EML6: variants seen among roughly 807,000 people sequenced by gnomAD.
EML6 encodes the protein EMAP like 6.
EML6 carries 154 observed loss-of-function variants against 240.1 expected under a neutral mutation model. The ratio of observed to expected loss-of-function variants is 0.64; its 90% confidence interval spans 0.56 to 0.73. EML6 has a LOEUF of 0.73. Ranked by LOEUF, EML6 falls within the 30% of genes least tolerant of loss-of-function variation. EML6 has a pLI of 0.00. For missense variants in EML6, 2,964 were observed against 2,474.6 expected, an observed-to-expected ratio of 1.20 and a Z score of -4.20; for synonymous variants, 1,148 against 899.0, an observed-to-expected ratio of 1.28 and a Z score of -4.95.
chr2:54,895,283 G>C lies in EML6; in HGVS notation c.2865G>C (p.Leu955Phe). The C allele has an allele frequency of 6.4e-7, 1 of 1,551,582 alleles. No individual in the cohort carries two copies. Residue 955 changes from leucine to phenylalanine, a missense_variant, in exon 21 of 42, where the codon TTG becomes TTC. Coordinates refer to ENST00000356458, the MANE Select transcript of EML6 (RefSeq NM_001039753.4). ...CATCCCCTTCCCCAGGCTTGCTTTTGGAAGATAACCCTTCAATTCGTGCCA... is the reference window on the plus strand; with the variant it reads ...CATCCCCTTCCCCAGGCTTGCTTTTCGAAGATAACCCTTCAATTCGTGCCA... The part of the protein sequence containing the change: ...ALSTSSKGLL[L>F]EDNPSIRAIT...
At chr2:54,893,018 G>A (rs1672559072) in intron 19 of EML6, among the ~76,000 whole-genome samples, 1 of 152,118 alleles carries the variant, frequency 6.6e-6, no homozygotes, top group African/African-American at 2.4e-5. Flanking sequence ...GCAGAGACCT[G>A]AAAGTACCAA....
chr2:54,868,707 G>C (rs1671098000), intron 14 of EML6: 1 of 152,730 alleles, frequency 6.5e-6, no homozygotes, highest in South Asian at 2.1e-4. Context: ...CCAGTCATTA[G>C]AGTTGTTTTC....
At chr2:54,830,277 T>C (rs1419571235) in intron 7 of EML6, among the ~76,000 whole-genome samples, 1 of 152,160 alleles carries the variant, frequency 6.6e-6, no homozygotes, top group Admixed American at 6.5e-5. Flanking sequence ...GCACTGTTAA[T>C]ACGCTAAGCA....
chr2:54,868,373 G>T (rs1256400520), intron 14 of EML6: 1 of 152,138 alleles, frequency 6.6e-6, no homozygotes, highest in African/African-American at 2.4e-5. Context: ...ATGATGGATT[G>T]GTTTTCAGTT....
intron 21 of EML6, among the ~76,000 whole-genome samples, chr2:54,895,752 G>T (rs1015383098): frequency 1.5e-4 from 23 of 152,174 alleles, no homozygotes; most frequent in Non-Finnish European, 2.9e-5. Flanking sequence ...GAATTAAGTT[G>T]CTTGTAAGTG....
At chr2:54,823,621 A>G (rs960218255) in intron 5 of EML6, among the ~76,000 whole-genome samples, 4 of 152,286 alleles carry the variant, frequency 2.6e-5, no homozygotes, top group Middle Eastern at 3.4e-3. Flanking sequence ...ATGAGTAAAA[A>G]AAACATGTGA....
At chr2:54,907,618 C>T (rs1476920152) in intron 24 of EML6, among the ~76,000 whole-genome samples, 3 of 152,154 alleles carry the variant, frequency 2.0e-5, no homozygotes, top group Non-Finnish European at 2.9e-5. Flanking sequence ...TAGAATTATT[C>T]TAACTTGTAA....
chr2:54,744,962 A>ACCCC (rs200439786), intron 2 of EML6, among the ~76,000 whole-genome samples: 1 of 85,966 alleles, frequency 1.2e-5, no homozygotes, highest in African/African-American at 3.8e-5. Context: ...ACACACACAC[A>ACCCC]CCCTGCCATG....
At chr2:54,938,068 AGGTGCTGTGGC>A (rs1675241616) in intron 28 of EML6, among the ~76,000 whole-genome samples, 1 of 152,238 alleles carries the variant, frequency 6.6e-6, no homozygotes, top group African/African-American at 2.4e-5. Context: ...AGGTGGGGCC[AGGTGCTGTGGC>A]TCACGCCTGT....
intron 2 of EML6, among the ~76,000 whole-genome samples, chr2:54,761,191 C>T (rs1359897400): frequency 6.6e-6 from 1 of 152,010 alleles, no homozygotes; most frequent in East Asian, 1.9e-4. Context: ...TTTAAACAGA[C>T]TACCAAAGTC....
Position 54,950,644 on chromosome 2 carries a change from A to C in EML6, c.4084-6A>C. ...GGGTCACATTGATCTGTGTGTGTGA[A>C]TGCAGGAGCTGGCTCTAGACCACGT... is the stretch of plus-strand genomic sequence containing the variant. On this transcript the variant is annotated splice_polypyrimidine_tract_variant and splice_region_variant and intron_variant, in intron 29 of 41. Transcript: ENST00000356458. 2 of 1,551,564 alleles carry C rather than the reference A, an allele frequency of 1.3e-6. No individual in the cohort carries two copies. The highest frequency in any genetic ancestry group is 1.7e-6 in the Non-Finnish European group (2 of 1,146,938).
At chr2:54,742,765 C>T (rs1189857284) in intron 2 of EML6, among the ~76,000 whole-genome samples, 2 of 152,138 alleles carry the variant, frequency 1.3e-5, no homozygotes, top group African/African-American at 4.8e-5. Flanking sequence ...TTCAGTAAAG[C>T]ATATAAGGAG....
intron 2 of EML6, among the ~76,000 whole-genome samples, chr2:54,786,859 A>T (rs58350716): frequency 0.068 from 10,392 of 152,208 alleles, 533 homozygotes; most frequent in East Asian, 0.3. Flanking sequence ...GACAAGTGAA[A>T]CTTGTTAAAC....
chr2:54,953,306 G>A (rs770108540), intron 31 of EML6, among the ~76,000 whole-genome samples: 4 of 152,120 alleles, frequency 2.6e-5, no homozygotes, highest in South Asian at 2.1e-4. Flanking sequence ...GTGATATTAC[G>A]GAAACCCCAG....
At chr2:54,841,127 G>A (rs1251555823) in intron 7 of EML6, among the ~76,000 whole-genome samples, 3 of 152,264 alleles carry the variant, frequency 2.0e-5, no homozygotes, top group Admixed American at 6.5e-5. Context: ...AGGATCATGG[G>A]CGCAAGGCCG....
At chr2:54,853,971 ATTC>A in intron 11 of EML6, 116 bp downstream of exon 11, 1 of 544,732 alleles carries the variant, frequency 1.8e-6, no homozygotes, top group Non-Finnish European at 3.0e-6. Context: ...TATCTTGTAT[ATTC>A]TTATTTACTT....
rs1220801344 is a variant in EML6 at position 54,859,600 on chromosome 2, T to C, written c.1724T>C (p.Phe575Ser). The C allele has an allele frequency of 3.9e-6, 6 of 1,551,330 alleles. No individual in the cohort carries two copies. The highest frequency in any genetic ancestry group is 1.2e-5 in the South Asian group (1 of 84,016). ...ACAAATGTCCGCTGGTCCCATGACTTTCAGTGGGTGTTGAGCACAGGAGGG... is the reference window on the plus strand; with the variant it reads ...ACAAATGTCCGCTGGTCCCATGACTCTCAGTGGGTGTTGAGCACAGGAGGG... ...HVTNVRWSHD[F>S]QWVLSTGGAD... The change falls in exon 12 of 42, where the codon TTT becomes TCT. Residue 575 changes from phenylalanine to serine, a missense_variant. Coordinates refer to ENST00000356458, the MANE Select transcript of EML6 (RefSeq NM_001039753.4).
chr2:54,854,441 C>T (rs563791626), intron 11 of EML6, among the ~76,000 whole-genome samples: 71 of 152,328 alleles, frequency 4.7e-4, no homozygotes, highest in African/African-American at 1.6e-3. Context: ...GTGGCACACT[C>T]AAGCGTTGTA....
At chr2:54,905,537 G>A (rs879095942) in intron 24 of EML6, among the ~76,000 whole-genome samples, 1 of 152,128 alleles carries the variant, frequency 6.6e-6, no homozygotes, top group Non-Finnish European at 1.5e-5. Flanking sequence ...GAATTGTGAA[G>A]TACACATAAC....
Sources: gnomAD v4.1 joint callset for allele counts (sites outside exome capture counted in the v4.1 genomes callset) on GRCh38, gnomAD v4.1.1 for gene constraint, MANE v1.5 for transcripts, NCBI Gene and HGNC (gene_info 2026-07-23, HGNC 2026-07-21) for gene names.